The following DOCK10 variants were observed in gnomAD, a reference collection of about 807,000 sequenced individuals.
DOCK10 encodes the protein dedicator of cytokinesis protein 10.
DOCK10 carries 145 observed loss-of-function variants against 280.1 expected under a neutral mutation model. That is an observed-to-expected ratio of 0.52 (90% CI 0.45 to 0.59). The LOEUF (loss-of-function observed/expected upper bound fraction) is 0.59, where lower values mean the gene tolerates loss of function less well. DOCK10 is among the 20% of genes least tolerant of loss of function. The pLI is 0.00. For synonymous variants in DOCK10, 915 were observed against 942.2 expected (o/e 0.97, Z 0.53); for missense variants, 2,368 against 2,651.7 (o/e 0.89, Z 2.35).
intron 50 of DOCK10, chr2:224,784,791 A>C (rs1279665628): frequency 5.4e-6 from 7 of 1,287,996 alleles, no homozygotes; most frequent in Non-Finnish European, 7.1e-6. Context: ...TCTGCATTAA[A>C]AACTATTTGA....
At chr2:225,035,847 C>T (rs1690245745) in intron 1 of DOCK10, among the ~76,000 whole-genome samples, 1 of 151,218 alleles carries the variant, frequency 6.6e-6, no homozygotes, top group African/African-American at 2.4e-5. Context: ...TTGTTGTGTC[C>T]TCACATGACA....
chr2:224,778,447 G>C (rs1483475283), intron 50 of DOCK10, 163 bp from the exon 51 acceptor site: 1 of 714,000 alleles, frequency 1.4e-6, no homozygotes, highest in African/African-American at 1.7e-5. Flanking sequence ...AAAACACAGT[G>C]AGAAAATAAA....
intron 1 of DOCK10, among the ~76,000 whole-genome samples, chr2:225,035,579 T>C (rs1212919607): frequency 1.9e-5 from 2 of 105,996 alleles, no homozygotes; most frequent in African/African-American, 4.4e-5. Context: ...TATATATATA[T>C]ATATATATAA....
intron 3 of DOCK10, among the ~76,000 whole-genome samples, chr2:224,914,654 C>T (rs183807027): frequency 1.3e-5 from 2 of 152,134 alleles, no homozygotes; most frequent in Admixed American, 6.5e-5. Flanking sequence ...ACGCCAGAAA[C>T]GAACATAAAA....
chr2:224,772,095 AT>A (rs1233896103), intron 53 of DOCK10, among the ~76,000 whole-genome samples: 1 of 151,574 alleles, frequency 6.6e-6, no homozygotes, highest in Non-Finnish European at 1.5e-5. Context: ...TAATTTTTGT[AT>A]TTTTAGTAGA....
chr2:225,020,214 A>G (rs535553353), intron 1 of DOCK10, among the ~76,000 whole-genome samples: 2 of 152,202 alleles, frequency 1.3e-5, no homozygotes, highest in Admixed American at 1.3e-4. Context: ...TAAATGTTAT[A>G]TAGATAACAT....
chr2:224,980,493 G>T (rs758925756), intron 1 of DOCK10, among the ~76,000 whole-genome samples: 2 of 152,142 alleles, frequency 1.3e-5, no homozygotes, highest in Admixed American at 6.5e-5. Context: ...GTTCATTGGC[G>T]GATTCCAAGT....
intron 41 of DOCK10, among the ~76,000 whole-genome samples, chr2:224,799,476 T>C (rs1220373408): frequency 6.6e-6 from 1 of 152,234 alleles, no homozygotes; most frequent in East Asian, 1.9e-4. Flanking sequence ...CATGCATATT[T>C]GTGTATAAAG....
chr2:224,767,668 TC>T (rs1257804216), intron 55 of DOCK10, among the ~76,000 whole-genome samples: 2 of 152,154 alleles, frequency 1.3e-5, no homozygotes, highest in African/African-American at 2.4e-5. Flanking sequence ...CCTTCTTTTC[TC>T]CCTGCCCTTA....
intron 1 of DOCK10, among the ~76,000 whole-genome samples, chr2:224,973,068 T>G (rs962192880): frequency 6.6e-6 from 1 of 152,250 alleles, no homozygotes; most frequent in African/African-American, 2.4e-5. Context: ...AACAATTCTT[T>G]AAAGTAAATT....
At chr2:224,851,321 G>A (rs1382106030) in intron 18 of DOCK10, among the ~76,000 whole-genome samples, 1 of 152,032 alleles carries the variant, frequency 6.6e-6, no homozygotes, top group Non-Finnish European at 1.5e-5. Flanking sequence ...CAGGCCAAAC[G>A]TGCTTGCCAT....
intron 1 of DOCK10, among the ~76,000 whole-genome samples, chr2:224,956,625 GAAAAAAAA>G (rs3083983): frequency 1.3e-5 from 1 of 78,656 alleles, no homozygotes; most frequent in Non-Finnish European, 2.3e-5. Context: ...CGCTACCTCA[GAAAAAAAA>G]AAAAAAAAAA....
chr2:224,833,305 T>G lies in DOCK10; in HGVS notation c.2964+845A>C, dbSNP rs545521032. Among the ~76,000 whole-genome samples, 11 of 152,062 alleles carry G rather than the reference T, an allele frequency of 7.2e-5. No individual in the cohort carries two copies. The East Asian group carries it at 2.1e-3, about 29-fold the overall frequency. On this transcript the variant is annotated intron_variant, in intron 26 of 55. Coordinates refer to ENST00000258390, the MANE Select transcript of DOCK10 (RefSeq NM_014689.3). ...CAAGCCTCCAGTGGCTTCCATGACT[T>G]CATCGTCCATCTTTTTTTTTTCTTT... is the stretch of plus-strand genomic sequence containing the variant.
chr2:224,821,524 C>CT (rs373539554), intron 28 of DOCK10, among the ~76,000 whole-genome samples: 470 of 151,984 alleles, frequency 3.1e-3, no homozygotes, highest in African/African-American at 0.01. Flanking sequence ...CTTTTCCTTT[C>CT]TTTTTTTTCT....
intron 31 of DOCK10, among the ~76,000 whole-genome samples, chr2:224,811,697 T>C (rs980972078): frequency 1.3e-5 from 2 of 152,210 alleles, no homozygotes; most frequent in Non-Finnish European, 2.9e-5. Flanking sequence ...TTCAGCTTTC[T>C]ATATATGGCT....
At chr2:224,925,758 T>C (rs759271277) in intron 2 of DOCK10, among the ~76,000 whole-genome samples, 14 of 152,238 alleles carry the variant, frequency 9.2e-5, no homozygotes, top group Non-Finnish European at 1.9e-4. Context: ...GGTTTTGTAC[T>C]TCCCAGAAAT....
At chr2:224,901,770 C>G (rs967807883) in intron 3 of DOCK10, among the ~76,000 whole-genome samples, 2 of 152,220 alleles carry the variant, frequency 1.3e-5, no homozygotes, top group Admixed American at 6.5e-5. Context: ...CAGGTAGATT[C>G]CATGATTCCA....
chr2:224,869,396 G>A (rs1435382396), intron 11 of DOCK10, among the ~76,000 whole-genome samples: 1 of 152,042 alleles, frequency 6.6e-6, no homozygotes, highest in African/African-American at 2.4e-5. Context: ...TAAGCAGCTT[G>A]GAGAAATATT....
At chr2:224,837,507 C>A (rs928625686) in intron 25 of DOCK10, among the ~76,000 whole-genome samples, 1 of 152,182 alleles carries the variant, frequency 6.6e-6, no homozygotes, top group Non-Finnish European at 1.5e-5. Flanking sequence ...GTTTTCTCCT[C>A]TATCTTTTTC....
Sources: allele counts gnomAD v4.1 joint callset (sites outside exome capture counted in the v4.1 genomes callset), GRCh38; gene constraint gnomAD v4.1.1; transcripts MANE v1.5; gene names NCBI Gene and HGNC (gene_info 2026-07-23, HGNC 2026-07-21).